FRMD4B: variants seen among roughly 807,000 people sequenced by gnomAD.
FRMD4B encodes FERM domain-containing protein 4B.
In FRMD4B, 74 loss-of-function variants were observed where a neutral mutation model predicts 141.5. The observed-to-expected ratio is 0.52, with a 90% CI of 0.43 to 0.63. The LOEUF (loss-of-function observed/expected upper bound fraction) is 0.63, where lower values mean the gene tolerates loss of function less well. FRMD4B is among the 30% of genes least tolerant of loss of function. The pLI, the probability that FRMD4B is intolerant of heterozygous loss-of-function variation, is 0.00. For synonymous variants in FRMD4B, 506 were observed against 467.9 expected (o/e 1.08, Z -1.05); for missense variants, 1,366 against 1,253.4 (o/e 1.09, Z -1.36).
chr3:69,474,769 G>A (rs974113478), intron 1 of FRMD4B, among the ~76,000 whole-genome samples: 1 of 152,188 alleles, frequency 6.6e-6, no homozygotes, highest in Non-Finnish European at 1.5e-5. Flanking sequence ...CAAGGGGCAA[G>A]AGTGAACAAG....
chr3:69,459,789 G>A (rs781610055), intron 1 of FRMD4B, among the ~76,000 whole-genome samples: 2 of 152,182 alleles, frequency 1.3e-5, no homozygotes, highest in Non-Finnish European at 2.9e-5. Context: ...AGACTACCAG[G>A]AGCATAACAG....
intron 2 of FRMD4B, among the ~76,000 whole-genome samples, chr3:69,406,404 G>T (rs984543967): frequency 6.6e-6 from 1 of 152,198 alleles, no homozygotes; most frequent in Admixed American, 6.5e-5. Context: ...CCAGTTAATA[G>T]CTGTCATTCC....
intron 1 of FRMD4B, among the ~76,000 whole-genome samples, chr3:69,317,564 T>C (rs1002827096): frequency 2.0e-5 from 3 of 151,710 alleles, no homozygotes; most frequent in African/African-American, 7.3e-5. Context: ...CTGGCCAACA[T>C]GGTAATGGTA....
At chr3:69,201,484 G>A (rs9811034) in intron 11 of FRMD4B, among the ~76,000 whole-genome samples, 122,384 of 152,038 alleles carry the variant, frequency 0.8, 50,854 homozygotes, top group Non-Finnish European at 0.92. Flanking sequence ...GGTCTGTTTT[G>A]TACAAGAGTG....
intron 1 of FRMD4B, among the ~76,000 whole-genome samples, chr3:69,462,491 G>A (rs1486968354): frequency 6.6e-6 from 1 of 152,210 alleles, no homozygotes; most frequent in Non-Finnish European, 1.5e-5. Context: ...TAGGCCCAGG[G>A]CCACTAACAG....
intron 4 of FRMD4B, among the ~76,000 whole-genome samples, chr3:69,298,740 C>T (rs1701114270): frequency 6.6e-6 from 1 of 152,152 alleles, no homozygotes; most frequent in South Asian, 2.1e-4. Flanking sequence ...TTGCTCAATG[C>T]CACCTTCTTT....
Position 69,197,021 on chromosome 3 carries a change from C to G in FRMD4B, c.971G>C (p.Arg324Thr), listed in dbSNP as rs1284923574. Residue 324 changes from arginine to threonine, a missense_variant, in exon 13 of 23, where the codon AGA (arginine) becomes ACA (threonine). Coordinates refer to ENST00000398540, the MANE Select transcript of FRMD4B (RefSeq NM_015123.3). ...HDPRRISVSRRTFGQSGLFVQ... is the reference protein window; with the variant it reads ...HDPRRISVSRTTFGQSGLFVQ... ...AAACAAGCCACTTTGCCCAAAGGTTCTTCTTGAAACTGAAATCCTGAAAGA... is the reference window on the plus strand; with the variant it reads ...AAACAAGCCACTTTGCCCAAAGGTTGTTCTTGAAACTGAAATCCTGAAAGA... 2 of 1,610,730 alleles carry G rather than the reference C, an allele frequency of 1.2e-6. No individual in the cohort carries two copies. Among genetic ancestry groups the G allele is most frequent in the Non-Finnish European group, 1.7e-6 (2 of 1,177,458 alleles).
rs545510726 is a variant in FRMD4B at position 69,293,797 on chromosome 3, C to T, written c.417-5961G>A. Among the ~76,000 whole-genome samples, 14 of 141,092 alleles carry T rather than the reference C, an allele frequency of 9.9e-5. No homozygotes were observed. In the South Asian group the frequency reaches 3.2e-3, roughly 32 times the overall value. 92.6% of individuals were successfully genotyped at this position (141,092 alleles called of 152,430 possible). A position where few individuals can be genotyped will look rare whatever the true frequency, so the allele number is the denominator to read the frequency against. The stretch of plus-strand genomic sequence containing the variant: ...TCAGGAGGCTGAGGCAGGAGAATCG[C>T]TTGAACCTGGGAGGAGGAGGTTGCA... On this transcript the variant is annotated intron_variant, in intron 4 of 22. Transcript: ENST00000398540.
intron 1 of FRMD4B, among the ~76,000 whole-genome samples, chr3:69,329,343 T>G (rs1253611187): frequency 6.6e-6 from 1 of 151,942 alleles, no homozygotes; most frequent in African/African-American, 2.4e-5. Context: ...TATAATTTAT[T>G]TCTTTATTTT....
intron 2 of FRMD4B, among the ~76,000 whole-genome samples, chr3:69,428,281 C>G (rs1256574100): frequency 6.6e-6 from 1 of 151,100 alleles, no homozygotes; most frequent in Non-Finnish European, 1.5e-5. Context: ...TGTTACATAA[C>G]CTCTCTGTTC....
At chr3:69,416,741 C>T (rs967962732) in intron 2 of FRMD4B, among the ~76,000 whole-genome samples, 5 of 152,140 alleles carry the variant, frequency 3.3e-5, no homozygotes, top group Non-Finnish European at 7.4e-5. Context: ...GTGATGTTCC[C>T]TTCCCTGTGT....
intron 5 of FRMD4B, among the ~76,000 whole-genome samples, chr3:69,267,228 C>T (rs1047297147): frequency 6.6e-6 from 1 of 152,088 alleles, no homozygotes; most frequent in Admixed American, 6.6e-5. Context: ...ATTGAGAGAT[C>T]TTCTAAGGCA....
chr3:69,283,549 G>A (rs569754057), intron 5 of FRMD4B, among the ~76,000 whole-genome samples: 58 of 152,224 alleles, frequency 3.8e-4, no homozygotes, highest in South Asian at 3.5e-3. Context: ...TTAGCATGCA[G>A]AGGTACAAGA....
intron 2 of FRMD4B, among the ~76,000 whole-genome samples, chr3:69,396,391 A>G (rs1704474390): frequency 6.6e-6 from 1 of 152,030 alleles, no homozygotes; most frequent in East Asian, 1.9e-4. Context: ...TGTAATCCCA[A>G]TTACTTGGCA....
chr3:69,319,772 A>G (rs1701935068), intron 1 of FRMD4B, among the ~76,000 whole-genome samples: 1 of 152,260 alleles, frequency 6.6e-6, no homozygotes, highest in African/African-American at 2.4e-5. Flanking sequence ...TGGCAGAACC[A>G]GATCCAAATT....
At chr3:69,444,800 T>C (rs115953522) in intron 1 of FRMD4B, among the ~76,000 whole-genome samples, 2,524 of 152,348 alleles carry the variant, frequency 0.017, 32 homozygotes, top group Non-Finnish European at 0.025. Context: ...CACACACTTA[T>C]CCACCAGATT....
intron 1 of FRMD4B, among the ~76,000 whole-genome samples, chr3:69,358,831 A>G (rs1483025851): frequency 2.0e-5 from 3 of 152,204 alleles, no homozygotes; most frequent in Non-Finnish European, 4.4e-5. Context: ...ATGAGTTATC[A>G]TGGAGGTGGG....
chr3:69,239,049 C>A (rs796111283), intron 7 of FRMD4B, among the ~76,000 whole-genome samples: 1 of 152,146 alleles, frequency 6.6e-6, no homozygotes, highest in East Asian at 1.9e-4. Context: ...TCTGGCAACT[C>A]TAAGGGCTTA....
rs528865258 is a variant in FRMD4B, at chr3:69,302,283, C to T, written c.416+60G>A. ...TGTAAAAAATAGCAAAGAAAACACA[C>T]AAAAACCCAAAAATAACAGCAAAAA... On this transcript the variant is annotated intron_variant, in intron 4 of 22. Transcript: ENST00000398540. 2.9e-5 allele frequency: 27 copies of T among 916,214 alleles called. No individual in the cohort carries two copies. The East Asian group carries it at 3.3e-4, about 11-fold the overall frequency. 56.8% of individuals were successfully genotyped at this position (916,214 alleles called of 1,614,324 possible). A position where few individuals can be genotyped will look rare whatever the true frequency, so the allele number is the denominator to read the frequency against.
Sources: gnomAD v4.1 joint callset for allele counts (sites outside exome capture counted in the v4.1 genomes callset) on GRCh38, gnomAD v4.1.1 for gene constraint, MANE v1.5 for transcripts, NCBI Gene and HGNC (gene_info 2026-07-23, HGNC 2026-07-21) for gene names.